The following RFX8 variants were observed in gnomAD, a reference collection of about 807,000 sequenced individuals.
The protein encoded by RFX8 is regulatory factor X8.
A neutral mutation model predicts 54.6 loss-of-function variants in RFX8; 46 were observed. That is an observed-to-expected ratio of 0.84 (90% CI 0.67 to 1.08). The LOEUF is 1.08. RFX8 is among the 50% of genes least tolerant of loss of function. The probability of loss-of-function intolerance (pLI) is 0.00; values close to 1 mark genes in which losing one functional copy is unlikely to be tolerated. For synonymous variants in RFX8, 192 were observed against 209.5 expected, an observed-to-expected ratio of 0.92 and a Z score of 0.72; for missense variants, 536 against 562.3, an observed-to-expected ratio of 0.95 and a Z score of 0.47.
intron 4 of RFX8, chr2:101,421,346 C>G: frequency 1.0e-6 from 1 of 995,548 alleles, no homozygotes; most frequent in Non-Finnish European, 1.2e-6. Context: ...CGAAGTCCTG[C>G]TCCATCTTCA....
intron 6 of RFX8, among the ~76,000 whole-genome samples, chr2:101,415,227 T>C (rs930654489): frequency 6.6e-6 from 1 of 152,148 alleles, no homozygotes; most frequent in Non-Finnish European, 1.5e-5. Context: ...TGTTAGGAAG[T>C]GGGGCCTTGG....
At position 101,433,888 on chromosome 2, in the gene RFX8, A is replaced by T. The variant is rs1573420375; in HGVS notation, c.73-11416T>A. Among the ~76,000 whole-genome samples the T allele has an allele frequency of 3.3e-5, 5 of 152,232 alleles. No individual in the cohort carries two copies. The East Asian group carries it at 9.6e-4, about 29-fold the overall frequency. ...TTATTTTGGTTTTGATTAAGAGAAG[A>T]TATCTTTGACTTGATGAATATTTTT... On this transcript the variant is annotated intron_variant, in intron 2 of 11. Coordinates refer to ENST00000428343, the MANE Select transcript of RFX8 (RefSeq NM_001145664.2).
At chr2:101,458,997 C>T (rs1333583558) in intron 2 of RFX8, among the ~76,000 whole-genome samples, 4 of 152,128 alleles carry the variant, frequency 2.6e-5, no homozygotes, top group Admixed American at 2.0e-4. Context: ...TCCACTTGAT[C>T]GAATTGGCTA....
chr2:101,450,424 T>G (rs1031708947), intron 2 of RFX8, among the ~76,000 whole-genome samples: 7 of 152,120 alleles, frequency 4.6e-5, no homozygotes, highest in Non-Finnish European at 8.8e-5. Context: ...AGATTTGCCA[T>G]GTTGCCCAGG....
At chr2:101,425,390 A>C (rs1687113782) in intron 2 of RFX8, among the ~76,000 whole-genome samples, 1 of 152,190 alleles carries the variant, frequency 6.6e-6, no homozygotes, top group Non-Finnish European at 1.5e-5. Context: ...CTAGATGTAT[A>C]ACCAGCTTCC....
At chr2:101,438,813 T>G (rs1687923488) in intron 2 of RFX8, among the ~76,000 whole-genome samples, 1 of 152,160 alleles carries the variant, frequency 6.6e-6, no homozygotes, top group African/African-American at 2.4e-5. Context: ...TATGTTTTAT[T>G]TATTTCTTTC....
intron 2 of RFX8, among the ~76,000 whole-genome samples, chr2:101,453,580 AAAAAC>A (rs1001081132): frequency 1.3e-5 from 2 of 152,164 alleles, no homozygotes; most frequent in African/African-American, 4.8e-5. Context: ...ACTCGGTCTC[AAAAAC>A]AAAACAAAAC....
chr2:101,409,214 TTTTG>T lies in RFX8; in HGVS notation c.813+1401_813+1404del, dbSNP rs374275723. Among the ~76,000 whole-genome samples, 464 of 152,040 alleles carry T rather than the reference TTTTG, an allele frequency of 3.1e-3. 2 individuals carry two copies. Among genetic ancestry groups the T allele is most frequent in the African/African-American group, 0.01 (431 of 41,506 alleles). On this transcript the variant is annotated intron_variant, in intron 9 of 11. Transcript: ENST00000428343. Reference sequence around the variant, plus strand: ...GGCTGCCTCATTTCCCTCTAGGTGTTTTTGTTTGTTTGTTTGTTTGTTTTTTGAG... The same window carrying T: ...GGCTGCCTCATTTCCCTCTAGGTGTTTTTGTTTGTTTGTTTGTTTTTTGAG...
At chr2:101,399,139 G>A (rs1685288407) in intron 11 of RFX8, among the ~76,000 whole-genome samples, 2 of 152,288 alleles carry the variant, frequency 1.3e-5, no homozygotes, top group East Asian at 3.9e-4. Context: ...ATGGCAATCC[G>A]GAATGCTGAC....
chr2:101,405,964 G>C lies in RFX8; in HGVS notation c.907C>G (p.Leu303Val). 1 of 1,538,488 alleles carries C rather than the reference G, an allele frequency of 6.5e-7. No homozygotes were observed. Among genetic ancestry groups the C allele is most frequent in the Non-Finnish European group, 8.8e-7 (1 of 1,140,848 alleles). The part of the protein sequence containing the change: ...LLTAVSKAMT[L>V]CHRDSFGSWH... Reference sequence around the variant, plus strand: ...TTACCAAAACTATCTCTGTGGCAGAGGGTCATGGCTTTGCTTACAGCAGTG... The same window carrying C: ...TTACCAAAACTATCTCTGTGGCAGACGGTCATGGCTTTGCTTACAGCAGTG... The change falls in exon 10 of 12, where the codon CTC becomes GTC. Residue 303 changes from leucine to valine, a missense_variant. Leu to Val is a conservative substitution (Grantham distance 32). Coordinates refer to ENST00000428343, the MANE Select transcript of RFX8 (RefSeq NM_001145664.2).
chr2:101,442,670 G>GT (rs1330671122), intron 2 of RFX8, among the ~76,000 whole-genome samples: 1 of 151,890 alleles, frequency 6.6e-6, no homozygotes, highest in African/African-American at 2.4e-5. Flanking sequence ...TTTTTCCTTT[G>GT]TTTTTTGTTT....
rs376443031 is a variant in RFX8 at position 101,411,653 on chromosome 2, T to C, written c.719-940A>G. On this transcript the variant is annotated intron_variant, in intron 8 of 11. Transcript: ENST00000428343. ...TAATCAGAATTAGTAATCCTACTAA[T>C]AGTTCTGAAGCCTGCCAGATTAGGT... 2.6e-5 allele frequency among the ~76,000 whole-genome samples: 4 copies of C among 152,158 alleles called. No individual in the cohort carries two copies. The East Asian group carries it at 7.7e-4, about 29-fold the overall frequency.
intron 8 of RFX8, among the ~76,000 whole-genome samples, 190 bp downstream of exon 8, chr2:101,412,725 G>T (rs1166056374): frequency 6.6e-6 from 1 of 152,216 alleles, no homozygotes; most frequent in African/African-American, 2.4e-5. Flanking sequence ...GGTCCTGGGA[G>T]CACAGGGACA....
At chr2:101,414,704 T>C (rs1383936203) in intron 7 of RFX8, 150 bp downstream of exon 7, 2 of 564,034 alleles carry the variant, frequency 3.5e-6, no homozygotes, top group Admixed American at 5.5e-5. Flanking sequence ...CCACCTGGAC[T>C]CCTCTGCCAA....
In RFX8 at chr2:101,466,738, A is replaced by G. The variant is rs1046448488; in HGVS notation, c.72+39T>C. The G allele has an allele frequency of 5.7e-6, 8 of 1,395,254 alleles. No homozygotes were observed. The Admixed American group carries it at 1.4e-4, about 25-fold the overall frequency. The allele number at this position is 1,395,254 out of a possible 1,614,324, so 86.4% of individuals were successfully genotyped here. On this transcript the variant is annotated intron_variant, in intron 2 of 11. Coordinates refer to ENST00000428343, the MANE Select transcript of RFX8 (RefSeq NM_001145664.2). ...CCAATAACTTGCTTCCCTTTTTTGCACTCAGTGAATAGAGCGTTCTTAATC... is the reference window on the plus strand; with the variant it reads ...CCAATAACTTGCTTCCCTTTTTTGCGCTCAGTGAATAGAGCGTTCTTAATC...
At chr2:101,417,433 T>C in intron 6 of RFX8, 101 bp downstream of exon 6, 2 of 1,116,602 alleles carry the variant, frequency 1.8e-6, no homozygotes, top group Non-Finnish European at 2.5e-6. Context: ...CTCAAACTCC[T>C]GGCCTCAAGC....
At chr2:101,411,403 C>A (rs751777366) in intron 8 of RFX8, among the ~76,000 whole-genome samples, 1 of 152,154 alleles carries the variant, frequency 6.6e-6, no homozygotes, top group African/African-American at 2.4e-5. Context: ...TATCTCCCTG[C>A]AGAACTCTGC....
intron 2 of RFX8, among the ~76,000 whole-genome samples, chr2:101,438,222 A>C (rs960446448): frequency 6.6e-6 from 1 of 152,184 alleles, no homozygotes; most frequent in African/African-American, 2.4e-5. Context: ...TTTAATATAC[A>C]ATTAAATTAT....
Position 101,417,700 on chromosome 2 carries a change from C to T in RFX8, c.352-16G>A. ...CCTCAATTCCCTACAACAAAAGTAA[C>T]AAGACACTATGATTCTGCTGATGGT... On this transcript the variant is annotated splice_polypyrimidine_tract_variant and intron_variant, in intron 5 of 11. Transcript: ENST00000428343. 1 of 1,540,396 alleles carries T rather than the reference C, an allele frequency of 6.5e-7. No homozygotes were observed. Among genetic ancestry groups the T allele is most frequent in the South Asian group, 1.2e-5 (1 of 82,036 alleles).
Sources: gnomAD v4.1 joint callset for allele counts (sites outside exome capture counted in the v4.1 genomes callset) on GRCh38, gnomAD v4.1.1 for gene constraint, MANE v1.5 for transcripts, NCBI Gene and HGNC (gene_info 2026-07-23, HGNC 2026-07-21) for gene names.